CLIP1: variants seen among roughly 807,000 people sequenced by gnomAD.
The protein encoded by CLIP1 is CAP-Gly domain-containing linker protein 1.
In CLIP1, 66 loss-of-function variants were observed where a neutral mutation model predicts 161.6. That is an observed-to-expected ratio of 0.41 (90% CI 0.33 to 0.50). CLIP1 has a LOEUF of 0.50. CLIP1 is among the 20% of genes least tolerant of loss of function. The probability of loss-of-function intolerance (pLI) is 0.27; values close to 1 mark genes in which losing one functional copy is unlikely to be tolerated. For synonymous variants in CLIP1, 598 were observed against 626.2 expected, an observed-to-expected ratio of 0.96 and a Z score of 0.67; for missense variants, 1,376 against 1,702.0, an observed-to-expected ratio of 0.81 and a Z score of 3.37.
At chr12:122,419,218 A>C (rs1175968299) in intron 1 of CLIP1, among the ~76,000 whole-genome samples, 1 of 151,962 alleles carries the variant, frequency 6.6e-6, no homozygotes, top group African/African-American at 2.4e-5. Flanking sequence ...TAAAAATACA[A>C]ACATTAGCCA....
intron 3 of CLIP1, among the ~76,000 whole-genome samples, chr12:122,375,866 T>A (rs1204146196): frequency 1.3e-5 from 2 of 151,176 alleles, no homozygotes; most frequent in Non-Finnish European, 2.9e-5. Context: ...TAATCATAGT[T>A]CCCTGCAGCT....
At chr12:122,318,025 G>A (rs1951337213) in intron 18 of CLIP1, among the ~76,000 whole-genome samples, 2 of 152,256 alleles carry the variant, frequency 1.3e-5, no homozygotes, top group South Asian at 4.1e-4. Flanking sequence ...TTTAGTTTAA[G>A]TCATCTTCTC....
intron 21 of CLIP1, among the ~76,000 whole-genome samples, chr12:122,285,222 C>T (rs1955800032): frequency 7.0e-6 from 1 of 142,594 alleles, no homozygotes; most frequent in African/African-American, 2.8e-5. Context: ...TAGGGAGATA[C>T]CAGTCCTTTT....
intron 10 of CLIP1, among the ~76,000 whole-genome samples, chr12:122,347,163 C>T (rs977090732): frequency 1.3e-5 from 2 of 151,980 alleles, no homozygotes; most frequent in Non-Finnish European, 2.9e-5. Flanking sequence ...GTTGGGTTAC[C>T]AAAGGAATGA....
intron 1 of CLIP1, among the ~76,000 whole-genome samples, chr12:122,408,209 A>C (rs946249390): frequency 7.4e-5 from 11 of 148,908 alleles, no homozygotes; most frequent in African/African-American, 2.7e-4. Context: ...GGCCTAGACG[A>C]TAAGAATGAT....
chr12:122,345,795 T>C (rs950370531), intron 10 of CLIP1, among the ~76,000 whole-genome samples: 8 of 152,006 alleles, frequency 5.3e-5, no homozygotes, highest in Non-Finnish European at 1.2e-4. Flanking sequence ...TTTTCTTTTT[T>C]TTTTTTTGAG....
chr12:122,313,632 A>G (rs1370927689), intron 19 of CLIP1, among the ~76,000 whole-genome samples: 1 of 151,984 alleles, frequency 6.6e-6, no homozygotes, highest in East Asian at 1.9e-4. Flanking sequence ...CAGGAGAACC[A>G]CTTGAACCCA....
chr12:122,358,898 T>A (rs1239758096), intron 5 of CLIP1, among the ~76,000 whole-genome samples: 1 of 152,018 alleles, frequency 6.6e-6, no homozygotes, highest in East Asian at 1.9e-4. Context: ...TCGTCTCTAC[T>A]AAAAATACAA....
intron 1 of CLIP1, 132 bp downstream of exon 1, chr12:122,422,389 G>C (rs1433865000): frequency 6.6e-6 from 1 of 151,526 alleles, no homozygotes; most frequent in Admixed American, 6.6e-5. Flanking sequence ...CGGCGCGCGA[G>C]GCTCGGCCCC....
chr12:122,327,809 G>A, intron 17 of CLIP1, 138 bp downstream of exon 17: 1 of 678,574 alleles, frequency 1.5e-6, no homozygotes, highest in Admixed American at 2.6e-5. Flanking sequence ...GTACCACCCT[G>A]CCACGCACTC....
chr12:122,289,475 T>C (rs923571328), intron 20 of CLIP1, among the ~76,000 whole-genome samples: 12 of 152,046 alleles, frequency 7.9e-5, no homozygotes, highest in African/African-American at 2.9e-4. Flanking sequence ...TTCTAGTTCC[T>C]TTACTTAAAC....
At chr12:122,363,882 CCAAACA>C in intron 4 of CLIP1, 95 bp downstream of exon 4, 1 of 1,529,780 alleles carries the variant, frequency 6.5e-7, no homozygotes, top group East Asian at 2.3e-5. Flanking sequence ...TGCCACTCTT[CCAAACA>C]CAACTTTCCA....
chr12:122,281,212 C>T (rs1406367871), intron 21 of CLIP1, among the ~76,000 whole-genome samples: 1 of 152,170 alleles, frequency 6.6e-6, no homozygotes, highest in Non-Finnish European at 1.5e-5. Flanking sequence ...TTAAAAACCC[C>T]AGCATTACTC....
chr12:122,334,350 T>C (rs774309134), intron 13 of CLIP1, among the ~76,000 whole-genome samples: 1 of 152,226 alleles, frequency 6.6e-6, no homozygotes, highest in Non-Finnish European at 1.5e-5. Context: ...CACTCATCTC[T>C]CTTTCCTCCT....
At chr12:122,347,322 T>C in intron 10 of CLIP1, 53 bp downstream of exon 10, 2 of 1,289,748 alleles carry the variant, frequency 1.6e-6, no homozygotes, top group South Asian at 1.2e-5. Context: ...TCACCTGAGG[T>C]GTCCACCCTT....
intron 3 of CLIP1, chr12:122,365,327 C>A (rs1320337852): frequency 2.2e-6 from 2 of 919,370 alleles, no homozygotes; most frequent in South Asian, 1.3e-5. Context: ...ACAAGTGTTA[C>A]CATGGCAAAA....
In CLIP1 at chr12:122,279,198, T is replaced by C; in HGVS notation, c.3648-53A>G. 1 of 1,166,102 alleles carries C rather than the reference T, an allele frequency of 8.6e-7. No homozygotes were observed. Among genetic ancestry groups the C allele is most frequent in the Non-Finnish European group, 1.2e-6 (1 of 806,420 alleles). The allele number at this position is 1,166,102 out of a possible 1,614,324, so 72.2% of individuals were successfully genotyped here. On this transcript the variant is annotated intron_variant, in intron 21 of 25. Coordinates refer to ENST00000620786, the MANE Select transcript of CLIP1 (RefSeq NM_001247997.2). This position sits in a 1 kb window ranked among gnomAD's most constrained non-coding sequence, Gnocchi z 4.5. ...ACAAATCAACCGAAAGACTGGTCAG[T>C]GTACAACTGTTCTAGAACAAACACA...
At chr12:122,374,548 G>T (rs1479176881) in intron 3 of CLIP1, among the ~76,000 whole-genome samples, 2 of 152,042 alleles carry the variant, frequency 1.3e-5, no homozygotes, top group African/African-American at 2.4e-5. Flanking sequence ...TGGATCACGA[G>T]GTCAGGGGTT....
chr12:122,341,710 G>C lies in CLIP1; in HGVS notation c.1507-13C>G. On this transcript the variant is annotated splice_polypyrimidine_tract_variant and intron_variant, in intron 10 of 25. Coordinates refer to ENST00000620786, the MANE Select transcript of CLIP1 (RefSeq NM_001247997.2). ...AAACTGTAGCCACCTATTAACAGCA[G>C]TCCAAAGAAAAAAAGATCATTTAAA... 1.7e-6 allele frequency: 2 copies of C among 1,179,312 alleles called. No individual in the cohort carries two copies. The highest frequency in any genetic ancestry group is 2.2e-6 in the Non-Finnish European group (2 of 913,530). The allele number at this position is 1,179,312 out of a possible 1,614,324, so 73.1% of individuals were successfully genotyped here. A position where few individuals can be genotyped will look rare whatever the true frequency, so the allele number is the denominator to read the frequency against.
Sources: allele counts gnomAD v4.1 joint callset (sites outside exome capture counted in the v4.1 genomes callset), GRCh38; gene constraint gnomAD v4.1.1; non-coding constraint Gnocchi (gnomAD v3.1); transcripts MANE v1.5; gene names NCBI Gene and HGNC (gene_info 2026-07-23, HGNC 2026-07-21).